TSC22D3: variants seen among roughly 807,000 people sequenced by gnomAD.
TSC22D3 encodes the protein TSC22 domain family protein 3.
In TSC22D3, 4 loss-of-function variants were observed where a neutral mutation model predicts 11.1. That is an observed-to-expected ratio of 0.36 (90% confidence interval 0.18 to 0.83). TSC22D3 has a LOEUF of 0.83. TSC22D3 is among the 40% of genes least tolerant of loss of function. TSC22D3 has a pLI of 0.48. For synonymous variants in TSC22D3, 77 were observed against 70.3 expected (o/e 1.10, Z -0.48); for missense variants, 118 against 159.4 (o/e 0.74, Z 1.40).
At chrX:107,724,508 C>A (rs1159777121) in intron 1 of TSC22D3, among the ~76,000 whole-genome samples, 2 of 113,585 alleles carry the variant, frequency 1.8e-5, no homozygotes, top group East Asian at 5.5e-4. Context: ...GATAGCCAGG[C>A]AGAGTGGGGC....
At chrX:107,760,290 A>AT (rs1357428604) in intron 1 of TSC22D3, among the ~76,000 whole-genome samples, 1 of 112,337 alleles carries the variant, frequency 8.9e-6, no homozygotes. Flanking sequence ...ACAAAATCAA[A>AT]TTTAAAAAAA....
intron 1 of TSC22D3, among the ~76,000 whole-genome samples, chrX:107,752,601 T>TTCTC (rs1928981812): frequency 8.9e-6 from 1 of 112,091 alleles, no homozygotes; most frequent in Admixed American, 9.4e-5. Flanking sequence ...GGTGTGGACT[T>TTCTC]TCTCGTAGCC....
chrX:107,768,676 T>C lies in TSC22D3; in HGVS notation c.320+6424A>G, dbSNP rs756174520. 2.7e-5 allele frequency among the ~76,000 whole-genome samples: 3 copies of C among 112,320 alleles called. No homozygotes were observed. In the South Asian group the frequency reaches 1.1e-3, roughly 41 times the overall value. On this transcript the variant is annotated intron_variant, in intron 1 of 2. Transcript: ENST00000372383. ...GACTCCAGCCCCATCTCTCTACCTC[T>C]CTCCTCCAAAGTTGGCTTTGCCACA...
chrX:107,754,788 G>GTC (rs1312320710), intron 1 of TSC22D3, among the ~76,000 whole-genome samples: 1 of 112,284 alleles, frequency 8.9e-6, no homozygotes, highest in African/African-American at 3.2e-5. Flanking sequence ...AGGTGATTGC[G>GTC]TCCTCTGCAG....
chrX:107,755,610 G>C (rs1446767987), intron 1 of TSC22D3, among the ~76,000 whole-genome samples: 1 of 112,215 alleles, frequency 8.9e-6, no homozygotes, highest in Non-Finnish European at 1.9e-5. Flanking sequence ...ATAAACTCCT[G>C]GTAGAAGTGG....
intron 1 of TSC22D3, among the ~76,000 whole-genome samples, chrX:107,733,326 A>G (rs930165272): frequency 8.9e-6 from 1 of 111,958 alleles, no homozygotes; most frequent in Non-Finnish European, 1.9e-5. Context: ...AAGACCCTGG[A>G]CAAATATTAG....
chrX:107,774,517 G>GAGGA (rs763364330), intron 1 of TSC22D3, among the ~76,000 whole-genome samples: 14 of 111,422 alleles, frequency 1.3e-4, no homozygotes, highest in Non-Finnish European at 2.3e-4. Context: ...GTGATCCATG[G>GAGGA]AGGAGGCGAA....
chrX:107,727,805 AGTT>A (rs1396384348), intron 1 of TSC22D3, among the ~76,000 whole-genome samples: 1 of 112,424 alleles, frequency 8.9e-6, no homozygotes, highest in Non-Finnish European at 1.9e-5. Context: ...TAGTTTGAGA[AGTT>A]GTTGTTAAAA....
chrX:107,764,531 C>G (rs1001800270), intron 1 of TSC22D3, among the ~76,000 whole-genome samples: 34 of 111,661 alleles, frequency 3.0e-4, no homozygotes, highest in African/African-American at 1.1e-3. Context: ...CAGCTTGAGG[C>G]TTCTTACCTT....
intron 1 of TSC22D3, among the ~76,000 whole-genome samples, chrX:107,725,827 G>C (rs886912423): frequency 9.0e-6 from 1 of 111,414 alleles, no homozygotes; most frequent in African/African-American, 3.3e-5. Context: ...GGTGGGCATC[G>C]TTGTGGGAAA....
intron 1 of TSC22D3, among the ~76,000 whole-genome samples, chrX:107,752,974 G>A (rs749858154): frequency 1.5e-4 from 17 of 112,089 alleles, no homozygotes; most frequent in Non-Finnish European, 2.8e-4. Context: ...TCTGTGGGCT[G>A]CAGGAACCAG....
chrX:107,714,311 T>A lies in TSC22D3; in HGVS notation c.*208A>T. ...ACTGGCTTGGTGTTACTAGGCCCCA[T>A]GCAACTCAGCCTCCAGAGACCTGCT... On this transcript the variant is annotated 3_prime_UTR_variant, in exon 3 of 3. Transcript: ENST00000372383. 1 of 416,985 alleles carries A rather than the reference T, an allele frequency of 2.4e-6. No individual in the cohort carries two copies. Among genetic ancestry groups the A allele is most frequent in the South Asian group, 4.1e-5 (1 of 24,147 alleles). The allele number at this position is 416,985 out of a possible 1,213,427, so 34.4% of individuals were successfully genotyped here.
chrX:107,742,622 T>C (rs73525034), intron 1 of TSC22D3, among the ~76,000 whole-genome samples: 2,811 of 110,696 alleles, frequency 0.025, 77 homozygotes, highest in African/African-American at 0.088. Flanking sequence ...TGGAAGTCCG[T>C]CTCTCCCCCT....
At chrX:107,761,879 C>A (rs933252027) in intron 1 of TSC22D3, among the ~76,000 whole-genome samples, 3 of 112,244 alleles carry the variant, frequency 2.7e-5, no homozygotes, top group African/African-American at 9.7e-5. Flanking sequence ...TCACTCACAG[C>A]GGGGCACTTG....
chrX:107,720,196 TAA>T (rs61196603), intron 1 of TSC22D3, among the ~76,000 whole-genome samples: 1,670 of 94,710 alleles, frequency 0.018, 35 homozygotes, highest in African/African-American at 0.059. Context: ...AAGATTTAGT[TAA>T]AAAAAAAAAA....
At chrX:107,748,813 G>T (rs1928794011) in intron 1 of TSC22D3, among the ~76,000 whole-genome samples, 1 of 112,370 alleles carries the variant, frequency 8.9e-6, no homozygotes, top group African/African-American at 3.2e-5. Flanking sequence ...AAATTGTCAA[G>T]TGCTATGCAA....
intron 1 of TSC22D3, among the ~76,000 whole-genome samples, chrX:107,720,106 G>A (rs967649150): frequency 2.7e-5 from 3 of 109,617 alleles, no homozygotes; most frequent in South Asian, 3.9e-4. Context: ...CCCACTCACC[G>A]GCAACTCTTA....
chrX:107,774,260 T>C (rs771229817), intron 1 of TSC22D3, among the ~76,000 whole-genome samples: 1 of 112,014 alleles, frequency 8.9e-6, no homozygotes, highest in East Asian at 2.8e-4. Context: ...CAGAGACTGG[T>C]TCTTGCCAGA....
chrX:107,756,203 G>A (rs367730042), intron 1 of TSC22D3, among the ~76,000 whole-genome samples: 2 of 111,885 alleles, frequency 1.8e-5, no homozygotes, highest in African/African-American at 3.3e-5. Flanking sequence ...CTTGTCTACC[G>A]TTACTTGTCT....
Sources: gnomAD v4.1 joint callset for allele counts (sites outside exome capture counted in the v4.1 genomes callset) on GRCh38, gnomAD v4.1.1 for gene constraint, MANE v1.5 for transcripts, NCBI Gene and HGNC (gene_info 2026-07-23, HGNC 2026-07-21) for gene names.